Variants in SLC25A21 observed in about 807,000 individuals in gnomAD.
SLC25A21 encodes solute carrier family 25 member 21.
A neutral mutation model predicts 43.8 loss-of-function variants in SLC25A21; 47 were observed. That is an observed-to-expected ratio of 1.07 (90% CI 0.85 to 1.37). SLC25A21 has a LOEUF of 1.37. SLC25A21 is among the 40% of genes most tolerant of loss of function. SLC25A21 has a pLI of 0.00. For missense variants in SLC25A21, 352 were observed against 350.2 expected, an observed-to-expected ratio of 1.00 and a Z score of -0.04; for synonymous variants, 131 against 121.3, an observed-to-expected ratio of 1.08 and a Z score of -0.52.
At chr14:37,166,077 C>G (rs1048718119) in intron 1 of SLC25A21, among the ~76,000 whole-genome samples, 1 of 152,150 alleles carries the variant, frequency 6.6e-6, no homozygotes, top group Non-Finnish European at 1.5e-5. Flanking sequence ...TTGTGAGAAA[C>G]AGAAAAAGGT....
At chr14:37,135,176 CCT>C (rs1963458420) in intron 1 of SLC25A21, among the ~76,000 whole-genome samples, 1 of 152,130 alleles carries the variant, frequency 6.6e-6, no homozygotes, top group Non-Finnish European at 1.5e-5. Context: ...GATCCACCCA[CCT>C]TGGCCTCCCA....
At chr14:37,096,271 A>T (rs1962692328) in intron 1 of SLC25A21, among the ~76,000 whole-genome samples, 1 of 152,224 alleles carries the variant, frequency 6.6e-6, no homozygotes. Flanking sequence ...AATTGTAGTT[A>T]TAAACAGTCT....
At chr14:36,987,572 A>G (rs2138708056) in intron 1 of SLC25A21, among the ~76,000 whole-genome samples, 1 of 152,262 alleles carries the variant, frequency 6.6e-6, no homozygotes, top group South Asian at 2.1e-4. Context: ...CACATAATAT[A>G]TCGTTAATAT....
At chr14:36,769,988 G>T (rs902577527) in intron 3 of SLC25A21, among the ~76,000 whole-genome samples, 3 of 152,126 alleles carry the variant, frequency 2.0e-5, no homozygotes, top group Admixed American at 2.0e-4. Flanking sequence ...TTTGAGAGCG[G>T]CAGCCACATA....
intron 1 of SLC25A21, among the ~76,000 whole-genome samples, chr14:37,046,692 G>T (rs1961593984): frequency 6.6e-6 from 1 of 152,166 alleles, no homozygotes; most frequent in Admixed American, 6.5e-5. Context: ...ATGTTGGATT[G>T]ATTTCTTAAA....
At chr14:36,951,545 C>A (rs1369633732) in intron 1 of SLC25A21, among the ~76,000 whole-genome samples, 2 of 152,146 alleles carry the variant, frequency 1.3e-5, no homozygotes, top group Non-Finnish European at 1.5e-5. Context: ...TCCACAGACA[C>A]GTCCATTCAA....
chr14:36,942,126 T>G (rs1892575786), intron 1 of SLC25A21, among the ~76,000 whole-genome samples: 1 of 152,092 alleles, frequency 6.6e-6, no homozygotes, highest in African/African-American at 2.4e-5. Context: ...CTCTTACAAT[T>G]AACACCGAGC....
intron 1 of SLC25A21, among the ~76,000 whole-genome samples, chr14:37,142,805 C>T (rs17768084): frequency 0.039 from 5,925 of 152,278 alleles, 172 homozygotes; most frequent in Non-Finnish European, 0.059. Flanking sequence ...AAATTTTCTT[C>T]GAAATAGTAG....
At chr14:37,043,940 GTTTTTTTT>G (rs59081965) in intron 1 of SLC25A21, among the ~76,000 whole-genome samples, 1 of 56,768 alleles carries the variant, frequency 1.8e-5, no homozygotes, top group South Asian at 5.8e-4. Flanking sequence ...ATGTTTTTTT[GTTTTTTTT>G]TTTTTTTTTG....
At chr14:37,012,337 TTTATATG>T (rs1156575626) in intron 1 of SLC25A21, among the ~76,000 whole-genome samples, 1 of 152,220 alleles carries the variant, frequency 6.6e-6, no homozygotes, top group Non-Finnish European at 1.5e-5. Context: ...ATGTGTTCTT[TTTATATG>T]TTATTCACAT....
At chr14:37,099,976 C>T (rs1962785373) in intron 1 of SLC25A21, among the ~76,000 whole-genome samples, 1 of 152,144 alleles carries the variant, frequency 6.6e-6, no homozygotes, top group African/African-American at 2.4e-5. Flanking sequence ...TTCTTCACAT[C>T]CTCCTCTCCC....
At chr14:36,775,426 T>C (rs539442372) in intron 3 of SLC25A21, among the ~76,000 whole-genome samples, 1 of 152,282 alleles carries the variant, frequency 6.6e-6, no homozygotes, top group African/African-American at 2.4e-5. Context: ...ATATTACAAA[T>C]TGACAAATAG....
At chr14:37,092,688 T>C (rs1290975654) in intron 1 of SLC25A21, among the ~76,000 whole-genome samples, 1 of 152,102 alleles carries the variant, frequency 6.6e-6, no homozygotes, top group Non-Finnish European at 1.5e-5. Flanking sequence ...GCAGGCACTA[T>C]GGAAAGTGGG....
intron 1 of SLC25A21, among the ~76,000 whole-genome samples, chr14:37,153,354 A>G (rs1191588753): frequency 6.6e-6 from 1 of 152,266 alleles, no homozygotes; most frequent in East Asian, 1.9e-4. Context: ...ATGAGGAGTA[A>G]GATGGGAGCA....
At chr14:36,984,749 T>A (rs1960107054) in intron 1 of SLC25A21, among the ~76,000 whole-genome samples, 1 of 152,076 alleles carries the variant, frequency 6.6e-6, no homozygotes, top group South Asian at 2.1e-4. Flanking sequence ...GAACTATATA[T>A]GCCCTTCACC....
chr14:37,100,751 A>T (rs1475758774), intron 1 of SLC25A21, among the ~76,000 whole-genome samples: 1 of 152,212 alleles, frequency 6.6e-6, no homozygotes, highest in Non-Finnish European at 1.5e-5. Context: ...GTAGTGGGTC[A>T]AGTGGGTGAT....
intron 1 of SLC25A21, among the ~76,000 whole-genome samples, chr14:37,109,836 A>G (rs970527677): frequency 1.3e-5 from 2 of 152,178 alleles, no homozygotes; most frequent in Non-Finnish European, 2.9e-5. Context: ...TTCTATAGAT[A>G]ACCTGAGGTC....
chr14:37,016,780 A>G (rs997479337), intron 1 of SLC25A21, among the ~76,000 whole-genome samples: 29 of 152,200 alleles, frequency 1.9e-4, no homozygotes, highest in Admixed American at 9.2e-4. Context: ...GATCTTAGCT[A>G]CATCTTAGCT....
chr14:37,040,327 G>GGGAAGGAAGGAAGGAAGGAA (rs1161001643), intron 1 of SLC25A21, among the ~76,000 whole-genome samples: 1 of 55,576 alleles, frequency 1.8e-5, no homozygotes. Flanking sequence ...AAAGGAAGAG[G>GGGAAGGAAGGAAGGAAGGAA]GGAAGGAAGG....
Sources: gnomAD v4.1 joint callset for allele counts (sites outside exome capture counted in the v4.1 genomes callset) on GRCh38, gnomAD v4.1.1 for gene constraint, MANE v1.5 for transcripts, NCBI Gene and HGNC (gene_info 2026-07-23, HGNC 2026-07-21) for gene names.